Variants in BFSP1 observed in about 807,000 individuals in gnomAD.
BFSP1 encodes the protein beaded filament structural protein 1, also known as filensin.
BFSP1 carries 38 observed loss-of-function variants against 43.9 expected under a neutral mutation model. That is an observed-to-expected ratio of 0.87 (90% CI 0.67 to 1.14). The LOEUF (loss-of-function observed/expected upper bound fraction) is 1.14. BFSP1 is among the 50% of genes most tolerant of loss of function. BFSP1 has a pLI of 0.00. For missense variants in BFSP1, 850 were observed against 875.1 expected, an observed-to-expected ratio of 0.97 and a Z score of 0.36; for synonymous variants, 352 against 354.8, an observed-to-expected ratio of 0.99 and a Z score of 0.09.
chr20:17,537,289 T>A (rs2034642438), intron 1 of BFSP1, among the ~76,000 whole-genome samples: 1 of 152,052 alleles, frequency 6.6e-6, no homozygotes, highest in African/African-American at 2.4e-5. Context: ...ATCCCTACTA[T>A]CCCTGCTCCC....
upstream of BFSP1, among the ~76,000 whole-genome samples, chr20:17,535,817 CTATA>C (rs968929937): frequency 6.6e-6 from 1 of 151,952 alleles, no homozygotes. Flanking sequence ...TATGTTATAG[CTATA>C]TATATGTATA....
intron 1 of BFSP1, among the ~76,000 whole-genome samples, chr20:17,546,521 T>A (rs538917034): frequency 6.6e-6 from 1 of 152,042 alleles, no homozygotes; most frequent in East Asian, 1.9e-4. Flanking sequence ...GACCAACATG[T>A]TGAAACCCCG....
Position 17,552,042 on chromosome 20 carries a change from A to G in BFSP1, c.2+6646T>C, listed in dbSNP as rs1165739925. On this transcript the variant is annotated intron_variant, in intron 1 of 7. Transcript: ENST00000377868. ...CCTGATCCCTGTTCTTGTGGAGCTT[A>G]TATTCAATTGGAGAAAACAGAAAGT... Among the ~76,000 whole-genome samples the G allele has an allele frequency of 2.0e-5, 3 of 152,298 alleles. No homozygotes were observed. The East Asian group carries it at 5.8e-4, about 29-fold the overall frequency.
rs1285326044 is a variant in BFSP1, at chr20:17,525,390, C to A, written c.378-482G>T. ...ATGTCATTTAATCCTTACATCACCCCAGAAGAAAGCAGTTATTGTTAGTGC... is the reference window on the plus strand; with the variant it reads ...ATGTCATTTAATCCTTACATCACCCAAGAAGAAAGCAGTTATTGTTAGTGC... On this transcript the variant is annotated intron_variant, in intron 1 of 7. Transcript: ENST00000377873. This position sits in a 1 kb window ranked among gnomAD's most constrained non-coding sequence, Gnocchi z 4.2. Among the ~76,000 whole-genome samples the A allele has an allele frequency of 5.3e-5, 8 of 152,168 alleles. No homozygotes were observed. Among genetic ancestry groups the A allele is most frequent in the Non-Finnish European group, 1.5e-5 (1 of 68,030 alleles).
At chr20:17,539,634 T>C (rs971253628) in intron 1 of BFSP1, among the ~76,000 whole-genome samples, 6 of 151,822 alleles carry the variant, frequency 4.0e-5, no homozygotes, top group Non-Finnish European at 7.4e-5. Flanking sequence ...CATGGTGGTG[T>C]GTACCTCTGT....
At chr20:17,497,213 C>G (rs987238726) in intron 6 of BFSP1, among the ~76,000 whole-genome samples, 190 bp from the exon 7 acceptor site, 1 of 152,046 alleles carries the variant, frequency 6.6e-6, no homozygotes, top group Non-Finnish European at 1.5e-5. Flanking sequence ...GTGATCATTT[C>G]TTTGAGCTCA....
intron 1 of BFSP1, among the ~76,000 whole-genome samples, chr20:17,543,155 A>C (rs2034746018): frequency 6.6e-6 from 1 of 152,226 alleles, no homozygotes. Context: ...AACTTGGGAA[A>C]CAATTTTATA....
intron 5 of BFSP1, among the ~76,000 whole-genome samples, chr20:17,499,528 C>T (rs918267421): frequency 2.0e-5 from 3 of 150,390 alleles, no homozygotes; most frequent in African/African-American, 7.3e-5. Flanking sequence ...ATTACAGGTG[C>T]GAGTCACCGC....
upstream of BFSP1, chr20:17,560,227 AT>A: frequency 6.6e-6 from 1 of 152,114 alleles, no homozygotes. Flanking sequence ...ATAGGGTCTA[AT>A]TTTTTTTGGT....
At chr20:17,517,895 C>T (rs540504375) in intron 2 of BFSP1, among the ~76,000 whole-genome samples, 15 of 152,324 alleles carry the variant, frequency 9.8e-5, no homozygotes, top group Non-Finnish European at 1.5e-4. Flanking sequence ...GGCAACGGAA[C>T]ATCTTGTTCC....
intron 1 of BFSP1, among the ~76,000 whole-genome samples, chr20:17,547,348 C>T (rs965901610): frequency 1.3e-5 from 2 of 152,080 alleles, no homozygotes; most frequent in African/African-American, 2.4e-5. Context: ...TCCTGCTGAA[C>T]AGGGTTGTCA....
chr20:17,504,798 T>C (rs1169325673), intron 5 of BFSP1, among the ~76,000 whole-genome samples: 1 of 152,180 alleles, frequency 6.6e-6, no homozygotes, highest in East Asian at 1.9e-4. Context: ...CCCACTGGGC[T>C]GTGAGCCGCT....
upstream of BFSP1, among the ~76,000 whole-genome samples, chr20:17,535,405 C>T (rs1024022347): frequency 1.3e-5 from 2 of 152,122 alleles, no homozygotes; most frequent in African/African-American, 4.8e-5. Flanking sequence ...GTGCTACACA[C>T]CTGTAGTCCC....
intron 1 of BFSP1, among the ~76,000 whole-genome samples, chr20:17,552,766 C>T (rs2034915891): frequency 1.3e-5 from 2 of 152,128 alleles, no homozygotes; most frequent in Non-Finnish European, 2.9e-5. Flanking sequence ...ATGAAATTGA[C>T]ATTTACAAGA....
intron 1 of BFSP1, among the ~76,000 whole-genome samples, chr20:17,564,157 A>G (rs2035094082): frequency 6.6e-6 from 1 of 151,750 alleles, no homozygotes; most frequent in South Asian, 2.1e-4. Flanking sequence ...ACATGGCAAG[A>G]CTCTGTCTTT....
intron 1 of BFSP1, among the ~76,000 whole-genome samples, chr20:17,544,713 T>C (rs1034476224): frequency 6.6e-6 from 1 of 152,206 alleles, no homozygotes; most frequent in Non-Finnish European, 1.5e-5. Context: ...ACCTCCTGAA[T>C]ATCCATCACC....
At chr20:17,497,581 C>CGTGTGT (rs370650006) in intron 6 of BFSP1, among the ~76,000 whole-genome samples, 1 of 15,558 alleles carries the variant, frequency 6.4e-5, no homozygotes, top group Non-Finnish European at 1.3e-4. Flanking sequence ...TGTATATATA[C>CGTGTGT]GTATATATAT....
intron 7 of BFSP1, 60 bp downstream of exon 7, chr20:17,496,878 G>T: frequency 1.5e-6 from 2 of 1,365,876 alleles, no homozygotes; most frequent in Admixed American, 2.7e-5. Flanking sequence ...GTCAGGAAGA[G>T]AGCCGCTTGG....
intron 1 of BFSP1, among the ~76,000 whole-genome samples, chr20:17,537,484 G>A (rs1226215084): frequency 6.8e-6 from 1 of 147,652 alleles, no homozygotes; most frequent in Non-Finnish European, 1.5e-5. Flanking sequence ...GCTGGAAAAT[G>A]AAGCCTGAGA....
Sources: gnomAD v4.1 joint callset for allele counts (sites outside exome capture counted in the v4.1 genomes callset) on GRCh38, gnomAD v4.1.1 for gene constraint, Gnocchi (gnomAD v3.1) non-coding constraint, MANE v1.5 for transcripts, NCBI Gene and HGNC (gene_info 2026-07-23, HGNC 2026-07-21) for gene names.